The following RTN4RL1 variants were observed in gnomAD, a reference collection of about 807,000 sequenced individuals.
The protein encoded by RTN4RL1 is reticulon 4 receptor like 1.
A neutral mutation model predicts 25.6 loss-of-function variants in RTN4RL1; 7 were observed. The observed-to-expected ratio is 0.27, with a 90% confidence interval of 0.16 to 0.51. RTN4RL1 has a LOEUF of 0.51. Among genes scored for constraint, RTN4RL1 ranks in the 20% least tolerant of loss-of-function variants. The pLI, the probability that RTN4RL1 is intolerant of heterozygous loss-of-function variation, is 0.97. For missense variants in RTN4RL1, 500 were observed against 615.6 expected, an observed-to-expected ratio of 0.81 and a Z score of 1.99; for synonymous variants, 297 against 288.2, an observed-to-expected ratio of 1.03 and a Z score of -0.31.
At chr17:2,024,144 G>A (rs1227049832) in intron 1 of RTN4RL1, among the ~76,000 whole-genome samples, 1 of 152,192 alleles carries the variant, frequency 6.6e-6, no homozygotes, top group African/African-American at 2.4e-5. Flanking sequence ...GTACCGGGCC[G>A]GGCTGCTGGG....
intron 1 of RTN4RL1, among the ~76,000 whole-genome samples, chr17:1,944,425 C>T (rs974768299): frequency 2.0e-5 from 3 of 152,252 alleles, no homozygotes; most frequent in Non-Finnish European, 2.9e-5. Flanking sequence ...CTCAGTCAGA[C>T]GCAGCGCCTT....
intron 1 of RTN4RL1, among the ~76,000 whole-genome samples, chr17:1,952,266 G>A (rs1001130497): frequency 1.3e-5 from 2 of 151,396 alleles, no homozygotes; most frequent in African/African-American, 4.9e-5. Context: ...GCTGCATGAC[G>A]TTTTGCCATG....
At chr17:2,008,119 A>G (rs964005612) in intron 1 of RTN4RL1, among the ~76,000 whole-genome samples, 1 of 151,144 alleles carries the variant, frequency 6.6e-6, no homozygotes, top group Non-Finnish European at 1.5e-5. Flanking sequence ...AAAATACAAA[A>G]TTATCCGGCT....
intron 1 of RTN4RL1, among the ~76,000 whole-genome samples, chr17:1,953,727 G>T (rs751630467): frequency 6.6e-6 from 1 of 152,112 alleles, no homozygotes; most frequent in Non-Finnish European, 1.5e-5. Flanking sequence ...ACCAAGCTCG[G>T]TTAATTTTTG....
chr17:2,008,926 A>G (rs1291138821), intron 1 of RTN4RL1, among the ~76,000 whole-genome samples: 1 of 151,898 alleles, frequency 6.6e-6, no homozygotes, highest in Non-Finnish European at 1.5e-5. Flanking sequence ...TCTCTCTCCT[A>G]GCAGGTTGTA....
In RTN4RL1 at chr17:2,024,880, C is replaced by A; in HGVS notation, c.-15G>T. ...TTGCGAAGCATGTTGGCCACGGGGCCGCCGCTCCGAGGTCGGCCTAGGCGC... is the reference window on the plus strand; with the variant it reads ...TTGCGAAGCATGTTGGCCACGGGGCAGCCGCTCCGAGGTCGGCCTAGGCGC... On this transcript the variant is annotated 5_prime_UTR_variant, in exon 1 of 2. Coordinates refer to ENST00000331238, the MANE Select transcript of RTN4RL1 (RefSeq NM_178568.4). The A allele has an allele frequency of 6.3e-7, 1 of 1,583,892 alleles. No individual in the cohort carries two copies. The highest frequency in any genetic ancestry group is 8.6e-7 in the Non-Finnish European group (1 of 1,166,024).
intron 1 of RTN4RL1, among the ~76,000 whole-genome samples, chr17:1,978,641 G>C (rs1027963672): frequency 6.6e-6 from 1 of 150,968 alleles, no homozygotes; most frequent in African/African-American, 2.4e-5. Flanking sequence ...AATGGGGGGG[G>C]TGGAGGGTGG....
At chr17:1,968,067 C>T (rs1013225909) in intron 1 of RTN4RL1, among the ~76,000 whole-genome samples, 4 of 152,186 alleles carry the variant, frequency 2.6e-5, no homozygotes. Flanking sequence ...TTCTCAGCCC[C>T]TGGCATGGGC....
chr17:1,982,299 T>C (rs1253599115), intron 1 of RTN4RL1, among the ~76,000 whole-genome samples: 2 of 148,118 alleles, frequency 1.4e-5, no homozygotes, highest in Non-Finnish European at 3.0e-5. Flanking sequence ...GGACTTTGTC[T>C]CAAAAAGAAA....
rs760577801 is a variant in RTN4RL1, at chr17:1,936,738, G to A, written c.1084C>T (p.Arg362Cys). ...GCGCCCGCCTTAGAGATCTGATTGCGGTTCCTGGGGTTGGTGCAGTTCTTC... is the reference window on the plus strand; with the variant it reads ...GCGCCCGCCTTAGAGATCTGATTGCAGTTCCTGGGGTTGGTGCAGTTCTTC... ...PGKNCTNPRN[R>C]NQISKAGAGK... The change falls in exon 2 of 2, where the codon CGC (arginine) becomes TGC (cysteine). Residue 362 changes from arginine (R) to cysteine (C), a missense_variant. Arg to Cys is a radical substitution (Grantham distance 180). Coordinates refer to ENST00000331238, the MANE Select transcript of RTN4RL1 (RefSeq NM_178568.4). 21 of 1,595,314 alleles carry A rather than the reference G, an allele frequency of 1.3e-5. No individual in the cohort carries two copies. Among genetic ancestry groups the A allele is most frequent in the Non-Finnish European group, 1.7e-5 (20 of 1,172,568 alleles).
rs2066938712 is a variant in RTN4RL1, at chr17:1,998,221, G to A, written c.13+26632C>T. Among the ~76,000 whole-genome samples the A allele has an allele frequency of 6.6e-6, 1 of 152,154 alleles. No homozygotes were observed. The highest frequency in any genetic ancestry group is 1.5e-5 in the Non-Finnish European group (1 of 68,014). ...TTGGCCTTTGGGGGAGGGGCGGGGAGGGCTGTCGCATTGATCCGGAGCTGC... is the reference window on the plus strand; with the variant it reads ...TTGGCCTTTGGGGGAGGGGCGGGGAAGGCTGTCGCATTGATCCGGAGCTGC... On this transcript the variant is annotated intron_variant, in intron 1 of 1. Coordinates refer to ENST00000331238, the MANE Select transcript of RTN4RL1 (RefSeq NM_178568.4). This position sits in a 1 kb window ranked among gnomAD's most constrained non-coding sequence, Gnocchi z 4.9.
At chr17:1,946,719 C>T (rs1915552804) in intron 1 of RTN4RL1, among the ~76,000 whole-genome samples, 1 of 135,412 alleles carries the variant, frequency 7.4e-6, no homozygotes. Flanking sequence ...CTGTGTGTGT[C>T]TCTGTGTGAA....
chr17:1,942,952 T>C (rs1381864880), intron 1 of RTN4RL1, among the ~76,000 whole-genome samples: 1 of 152,188 alleles, frequency 6.6e-6, no homozygotes, highest in African/African-American at 2.4e-5. Context: ...AAGGAGGCTG[T>C]AACCTCAGCT....
intron 1 of RTN4RL1, among the ~76,000 whole-genome samples, chr17:1,951,103 A>G (rs1295222973): frequency 1.3e-5 from 2 of 151,552 alleles, no homozygotes; most frequent in Admixed American, 1.3e-4. Flanking sequence ...ATCTCTACTA[A>G]AAATACAAAA....
chr17:1,960,243 G>A (rs931222441), intron 1 of RTN4RL1, among the ~76,000 whole-genome samples: 1 of 148,904 alleles, frequency 6.7e-6, no homozygotes, highest in Non-Finnish European at 1.5e-5. Context: ...CTCTGCCGTG[G>A]CCACCCTCAC....
At chr17:1,951,848 C>T (rs537220054) in intron 1 of RTN4RL1, among the ~76,000 whole-genome samples, 15 of 152,302 alleles carry the variant, frequency 9.8e-5, no homozygotes, top group Admixed American at 2.6e-4. Flanking sequence ...ACTGATTTGG[C>T]GACTTGGAGG....
In RTN4RL1 at chr17:1,935,827, G is replaced by C. The variant is rs1043583728; in HGVS notation, c.*669C>G. 1.0e-6 allele frequency: 1 copy of C among 983,776 alleles called. No individual in the cohort carries two copies. The highest frequency in any genetic ancestry group is 1.2e-6 in the Non-Finnish European group (1 of 829,372). 60.9% of individuals were successfully genotyped at this position (983,776 alleles called of 1,614,324 possible). ...ACCTTCTGTGAGAACCTCATTGCCCGGGATGAAGTTCTAGATTTCAGCCTC... is the reference window on the plus strand; with the variant it reads ...ACCTTCTGTGAGAACCTCATTGCCCCGGATGAAGTTCTAGATTTCAGCCTC... On this transcript the variant is annotated 3_prime_UTR_variant, in exon 2 of 2. Coordinates refer to ENST00000331238, the MANE Select transcript of RTN4RL1 (RefSeq NM_178568.4).
intron 1 of RTN4RL1, among the ~76,000 whole-genome samples, chr17:1,995,177 A>G (rs2066923949): frequency 1.3e-5 from 2 of 152,114 alleles, no homozygotes; most frequent in African/African-American, 2.4e-5. Flanking sequence ...GCACTTTGGG[A>G]GGCCAAGGGA....
chr17:1,953,621 G>A (rs1471979167), intron 1 of RTN4RL1, among the ~76,000 whole-genome samples: 1 of 152,070 alleles, frequency 6.6e-6, no homozygotes, highest in Non-Finnish European at 1.5e-5. Flanking sequence ...CTGGAGTGCA[G>A]TGGCGTGATC....
Sources: gnomAD v4.1 joint callset for allele counts (sites outside exome capture counted in the v4.1 genomes callset) on GRCh38, gnomAD v4.1.1 for gene constraint, Gnocchi (gnomAD v3.1) non-coding constraint, MANE v1.5 for transcripts, NCBI Gene and HGNC (gene_info 2026-07-23, HGNC 2026-07-21) for gene names.